Variants in UNC79 observed in about 807,000 individuals in gnomAD.
UNC79 encodes protein unc-79 homolog.
In UNC79, 37 loss-of-function variants were observed where a neutral mutation model predicts 283.1. The ratio of observed to expected loss-of-function variants is 0.13; its 90% CI spans 0.10 to 0.17. UNC79 has a LOEUF of 0.17. Among genes scored for constraint, UNC79 ranks in the 10% least tolerant of loss-of-function variants. UNC79 has a pLI of 1.00. For synonymous variants in UNC79, 1,107 were observed against 1,200.2 expected (o/e 0.92, Z 1.61); for missense variants, 2,272 against 3,211.1 (o/e 0.71, Z 7.07).
intron 43 of UNC79, among the ~76,000 whole-genome samples, chr14:93,687,209 A>G (rs938496019): frequency 2.6e-5 from 4 of 152,230 alleles, no homozygotes; most frequent in African/African-American, 9.6e-5. Context: ...ATGCAAACAT[A>G]CACCATGTAT....
At chr14:93,361,087 G>A (rs1031034102) in intron 1 of UNC79, among the ~76,000 whole-genome samples, 3 of 151,576 alleles carry the variant, frequency 2.0e-5, no homozygotes, top group African/African-American at 7.3e-5. Flanking sequence ...GGTGGTACAC[G>A]CCTGTAATCC....
In UNC79 at chr14:93,369,239, C is replaced by T. The variant is rs987699018; in HGVS notation, c.-351+35716C>T. Among the ~76,000 whole-genome samples, 6 of 152,310 alleles carry T rather than the reference C, an allele frequency of 3.9e-5. No individual in the cohort carries two copies. The East Asian group carries it at 7.7e-4, about 20-fold the overall frequency. On this transcript the variant is annotated intron_variant, in intron 1 of 49. Transcript: ENST00000256339. ...GACAATAAACTTGTGTGAAATTCTT[C>T]GACTTGATTCCCCTTCTACTTATAC... is the stretch of plus-strand genomic sequence containing the variant.
chr14:93,495,860 T>C (rs1324561856), intron 5 of UNC79, among the ~76,000 whole-genome samples: 1 of 152,266 alleles, frequency 6.6e-6, no homozygotes, highest in Non-Finnish European at 1.5e-5. Flanking sequence ...TGCTGTCATG[T>C]AGCTTTTAAA....
chr14:93,613,501 G>A (rs975236408), intron 27 of UNC79, among the ~76,000 whole-genome samples: 10 of 147,562 alleles, frequency 6.8e-5, no homozygotes, highest in Non-Finnish European at 1.0e-4. Context: ...CTGCAAGTCC[G>A]CTTCCCGGGT....
At chr14:93,693,144 T>A (rs561841462) in intron 46 of UNC79, among the ~76,000 whole-genome samples, 2 of 152,358 alleles carry the variant, frequency 1.3e-5, no homozygotes, top group East Asian at 3.9e-4. Context: ...ATACAGGCAA[T>A]TCTATGTGTA....
chr14:93,357,734 T>TATATATATATATGGATATATGG (rs2054123474), intron 1 of UNC79, among the ~76,000 whole-genome samples: 1 of 116,300 alleles, frequency 8.6e-6, no homozygotes, highest in East Asian at 2.7e-4. Flanking sequence ...TATATGGATG[T>TATATATATATATGGATATATGG]ATATATATAT....
chr14:93,626,452 A>C (rs1032502354), intron 30 of UNC79, among the ~76,000 whole-genome samples: 7 of 151,750 alleles, frequency 4.6e-5, no homozygotes, highest in Non-Finnish European at 1.0e-4. Flanking sequence ...ATCCTCTCTT[A>C]GTATTTTTTT....
intron 22 of UNC79, 149 bp downstream of exon 22, chr14:93,587,057 T>C (rs917107525): frequency 2.4e-5 from 22 of 935,336 alleles, no homozygotes; most frequent in Middle Eastern, 2.7e-4. Context: ...TTATTTTTCT[T>C]TTTTAGTCTA....
upstream of UNC79, among the ~76,000 whole-genome samples, chr14:93,426,187 G>A (rs1239452084): frequency 6.6e-6 from 1 of 152,044 alleles, no homozygotes; most frequent in Non-Finnish European, 1.5e-5. Flanking sequence ...TTGGAAGTCA[G>A]TGTTAATTTG....
At chr14:93,612,752 A>G (rs2066400785) in intron 26 of UNC79, 45 bp from the exon 28 acceptor site, 5 of 1,593,168 alleles carry the variant, frequency 3.1e-6, no homozygotes, top group East Asian at 2.2e-5. Context: ...GTGTCACTTC[A>G]CTTGTGAGTG....
intron 4 of UNC79, among the ~76,000 whole-genome samples, chr14:93,485,182 A>G (rs1005357159): frequency 4.0e-5 from 6 of 149,502 alleles, no homozygotes; most frequent in Non-Finnish European, 5.9e-5. Context: ...AAGAATATAT[A>G]TATGTATATA....
chr14:93,548,252 T>C (rs917611165), intron 14 of UNC79, among the ~76,000 whole-genome samples: 1 of 152,156 alleles, frequency 6.6e-6, no homozygotes, highest in Non-Finnish European at 1.5e-5. Flanking sequence ...AGTGTCCTTA[T>C]GTGGTGGAAG....
Position 93,357,908 on chromosome 14 carries a change from T to C in UNC79, c.-351+24385T>C, listed in dbSNP as rs1284804997. Among the ~76,000 whole-genome samples, 2 of 38,150 alleles carry C rather than the reference T, an allele frequency of 5.2e-5. 1 individual carries two copies. Among genetic ancestry groups the C allele is most frequent in the Admixed American group, 7.0e-4 (2 of 2,840 alleles). 25.0% of individuals were successfully genotyped at this position (38,150 alleles called of 152,430 possible). ...ATGGATATATGGAGATATATATCTA[T>C]ATATATCCATATATATAGATATATA... On this transcript the variant is annotated intron_variant, in intron 1 of 49. Transcript: ENST00000256339.
At chr14:93,623,337 C>T (rs1158766959) in intron 30 of UNC79, among the ~76,000 whole-genome samples, 2 of 152,276 alleles carry the variant, frequency 1.3e-5, no homozygotes, top group African/African-American at 4.8e-5. Flanking sequence ...ATTGTAGATA[C>T]TAACCAAATA....
At chr14:93,477,121 G>A (rs746864634) in intron 3 of UNC79, among the ~76,000 whole-genome samples, 13 of 152,142 alleles carry the variant, frequency 8.5e-5, no homozygotes, top group Non-Finnish European at 1.9e-4. Flanking sequence ...TCGGCTGAAG[G>A]TTGCAAATTA....
Position 93,419,199 on chromosome 14 carries a change from C to T in UNC79, c.-350-48472C>T, listed in dbSNP as rs369162772. Among the ~76,000 whole-genome samples the T allele has an allele frequency of 8.8e-5, 13 of 147,988 alleles. No homozygotes were observed. In the East Asian group the frequency reaches 1.6e-3, roughly 18 times the overall value. On this transcript the variant is annotated intron_variant, in intron 1 of 49. Coordinates refer to the UNC79 transcript ENST00000256339. ...TTTTTTTTTTTTTGAGATGGAGTCT[C>T]ATTCTGTCACCCAGGCTGGAGTGCA...
At chr14:93,367,545 A>G (rs1041519429) in intron 1 of UNC79, among the ~76,000 whole-genome samples, 1 of 152,376 alleles carries the variant, frequency 6.6e-6, no homozygotes, top group African/African-American at 2.4e-5. Context: ...TTTCCAAACC[A>G]TTAGAGTAAA....
intron 4 of UNC79, among the ~76,000 whole-genome samples, chr14:93,486,323 T>C (rs2058429442): frequency 6.6e-6 from 1 of 152,160 alleles, no homozygotes; most frequent in Admixed American, 6.5e-5. Context: ...AAGTTTCTCC[T>C]GTGGTGGGTC....
intron 14 of UNC79, among the ~76,000 whole-genome samples, chr14:93,548,118 A>G (rs12896783): frequency 0.26 from 39,208 of 152,188 alleles, 5,618 homozygotes; most frequent in East Asian, 0.7. Context: ...AAAAAATACC[A>G]TAGACTGGGT....
Sources: allele counts gnomAD v4.1 joint callset (sites outside exome capture counted in the v4.1 genomes callset), GRCh38; gene constraint gnomAD v4.1.1; transcripts MANE v1.5; gene names NCBI Gene and HGNC (gene_info 2026-07-23, HGNC 2026-07-21).